Variants in DMD observed in about 807,000 individuals in gnomAD.
DMD encodes the protein dystrophin, also known as mutant dystrophin.
In DMD, 63 loss-of-function variants were observed where a neutral mutation model predicts 330.1. That is an observed-to-expected ratio of 0.19 (90% CI 0.16 to 0.24). The LOEUF (loss-of-function observed/expected upper bound fraction) is 0.24. DMD is among the 10% of genes least tolerant of loss of function. The pLI is 1.00. For synonymous variants in DMD, 1,223 were observed against 959.8 expected (o/e 1.27, Z -5.07); for missense variants, 3,344 against 2,684.1 (o/e 1.25, Z -5.43).
At chrX:32,700,967 T>A (rs191365431) in intron 7 of DMD, among the ~76,000 whole-genome samples, 1 of 112,140 alleles carries the variant, frequency 8.9e-6, no homozygotes, top group Non-Finnish European at 1.9e-5. Flanking sequence ...GAACAGCTAT[T>A]TTTAAAGTAT....
chrX:31,666,263 GGAATGGCCATGTGACTGGTTTTGTCTAC>G (rs2081421105), intron 53 of DMD, among the ~76,000 whole-genome samples: 1 of 111,692 alleles, frequency 9.0e-6, no homozygotes, highest in Non-Finnish European at 1.9e-5. Flanking sequence ...ATTGAACTCA[GGAATGGCCATGTGACTGGTTTTGTCTAC>G]TGGTCACTTC....
intron 55 of DMD, among the ~76,000 whole-genome samples, chrX:31,625,902 A>G (rs1476922497): frequency 8.9e-6 from 1 of 111,935 alleles, no homozygotes; most frequent in East Asian, 2.8e-4. Context: ...ATCTGCTAAA[A>G]ATAGACTAAA....
intron 18 of DMD, among the ~76,000 whole-genome samples, chrX:32,509,264 C>A (rs1220308415): frequency 9.2e-6 from 1 of 109,110 alleles, no homozygotes; most frequent in African/African-American, 3.3e-5. Context: ...TCTGGCCACC[C>A]ATACGTTCGT....
intron 13 of DMD, among the ~76,000 whole-genome samples, chrX:32,589,672 A>G (rs1337833703): frequency 9.0e-6 from 1 of 111,456 alleles, no homozygotes; most frequent in African/African-American, 3.3e-5. Flanking sequence ...TACTACTTGC[A>G]TTTTTAAAAA....
chrX:32,809,141 G>C (rs1422620175), intron 7 of DMD, among the ~76,000 whole-genome samples: 1 of 111,364 alleles, frequency 9.0e-6, no homozygotes, highest in African/African-American at 3.3e-5. Context: ...ATTAATTATA[G>C]CTGATTACTC....
chrX:32,305,389 C>A (rs2097536692), intron 42 of DMD, among the ~76,000 whole-genome samples: 1 of 111,330 alleles, frequency 9.0e-6, no homozygotes, highest in African/African-American at 3.3e-5. Flanking sequence ...ATACATCTCT[C>A]AAGGGATCTT....
chrX:32,880,133 A>AT (rs113101790), intron 2 of DMD, among the ~76,000 whole-genome samples: 1 of 110,533 alleles, frequency 9.0e-6, no homozygotes, highest in African/African-American at 3.3e-5. Flanking sequence ...ATCCTTTTCA[A>AT]TTTTTTGCCA....
At chrX:32,050,022 A>C (rs997433886) in intron 44 of DMD, among the ~76,000 whole-genome samples, 1 of 111,906 alleles carries the variant, frequency 8.9e-6, no homozygotes, top group Non-Finnish European at 1.9e-5. Flanking sequence ...TATATTTAAC[A>C]ACTTAGATTC....
chrX:32,539,080 ATTC>A (rs2048255319), intron 17 of DMD, among the ~76,000 whole-genome samples: 1 of 111,390 alleles, frequency 9.0e-6, no homozygotes. Flanking sequence ...CTATTGATTT[ATTC>A]TTGATGCATA....
At chrX:31,827,949 T>C (rs2092926939) in intron 49 of DMD, among the ~76,000 whole-genome samples, 1 of 112,009 alleles carries the variant, frequency 8.9e-6, no homozygotes, top group Non-Finnish European at 1.9e-5. Context: ...TGTTAAATAC[T>C]ACATCAAAAA....
chrX:32,851,527 C>T (rs1165367964), intron 2 of DMD, among the ~76,000 whole-genome samples: 3 of 112,251 alleles, frequency 2.7e-5, no homozygotes, highest in African/African-American at 3.2e-5. Context: ...TTCCCGCTAC[C>T]GCTGCTATAG....
intron 1 of DMD, among the ~76,000 whole-genome samples, chrX:33,050,183 C>G (rs1005573897): frequency 1.8e-5 from 2 of 111,039 alleles, no homozygotes; most frequent in African/African-American, 6.6e-5. Flanking sequence ...GAATTGAGGC[C>G]AACTTTGATC....
chrX:31,993,171 T>C (rs1439221111), intron 44 of DMD, among the ~76,000 whole-genome samples: 1 of 111,382 alleles, frequency 9.0e-6, no homozygotes, highest in Non-Finnish European at 1.9e-5. Context: ...GGTAATTAAA[T>C]GTGTCGTAGA....
chrX:31,892,208 G>A (rs773985706), intron 47 of DMD, among the ~76,000 whole-genome samples: 15 of 111,609 alleles, frequency 1.3e-4, no homozygotes, highest in East Asian at 5.6e-4. Flanking sequence ...GAAGTTGTGC[G>A]TTTCCAAAGC....
intron 47 of DMD, among the ~76,000 whole-genome samples, chrX:31,896,508 T>A (rs73619014): frequency 0.06 from 6,750 of 111,815 alleles, 199 homozygotes; most frequent in African/African-American, 0.095. Context: ...TAAAAACGTA[T>A]AATTTGTTAT....
At chrX:31,709,555 GCTCTCT>G (rs753402977) in intron 52 of DMD, among the ~76,000 whole-genome samples, 31 of 89,757 alleles carry the variant, frequency 3.5e-4, no homozygotes, top group South Asian at 1.1e-3. Context: ...TTATTGTACA[GCTCTCT>G]CTCTCTCTCT....
chrX:32,308,631 A>C (rs1007355122), intron 42 of DMD, among the ~76,000 whole-genome samples: 2 of 111,066 alleles, frequency 1.8e-5, no homozygotes, highest in African/African-American at 6.5e-5. Context: ...AAACCGCAGT[A>C]ATCAATACTA....
At chrX:31,996,528 A>C (rs1210353167) in intron 44 of DMD, among the ~76,000 whole-genome samples, 1 of 111,911 alleles carries the variant, frequency 8.9e-6, no homozygotes, top group East Asian at 2.8e-4. Context: ...AAAACAGCCA[A>C]GGTCAGTGGA....
intron 78 of DMD, among the ~76,000 whole-genome samples, chrX:31,124,583 C>A (rs921329193): frequency 5.4e-5 from 6 of 111,995 alleles, no homozygotes; most frequent in Admixed American, 9.5e-5. Flanking sequence ...CATTTGCAAT[C>A]ACCTTCAGGC....
Sources: gnomAD v4.1 joint callset for allele counts (sites outside exome capture counted in the v4.1 genomes callset) on GRCh38, gnomAD v4.1.1 for gene constraint, MANE v1.5 for transcripts, NCBI Gene and HGNC (gene_info 2026-07-23, HGNC 2026-07-21) for gene names.